The following SLC24A2 variants were observed in gnomAD, a reference collection of about 807,000 sequenced individuals.
SLC24A2 encodes solute carrier family 24 member 2.
In SLC24A2, 36 loss-of-function variants were observed where a neutral mutation model predicts 62.0. That is an observed-to-expected ratio of 0.58 (90% confidence interval 0.44 to 0.77). SLC24A2 has a LOEUF of 0.77. Among genes scored for constraint, SLC24A2 ranks in the 30% least tolerant of loss-of-function variants. SLC24A2 has a pLI of 0.00. For missense variants in SLC24A2, 846 were observed against 817.9 expected (o/e 1.03, Z -0.42); for synonymous variants, 358 against 294.0 (o/e 1.22, Z -2.23).
chr9:19,525,172 G>T (rs1215246220), intron 9 of SLC24A2, among the ~76,000 whole-genome samples: 1 of 151,994 alleles, frequency 6.6e-6, no homozygotes, highest in Non-Finnish European at 1.5e-5. Context: ...AAATATCCAG[G>T]AAGAGTAATC....
intron 2 of SLC24A2, among the ~76,000 whole-genome samples, chr9:19,645,375 T>C (rs995868385): frequency 6.6e-6 from 1 of 152,210 alleles, no homozygotes; most frequent in African/African-American, 2.4e-5. Context: ...GTATGCTGCA[T>C]AGTTACAACT....
chr9:19,713,650 T>C (rs1820778966), intron 2 of SLC24A2, among the ~76,000 whole-genome samples: 1 of 152,162 alleles, frequency 6.6e-6, no homozygotes. Flanking sequence ...TCCTTCATAG[T>C]TATAAATTGA....
chr9:19,892,198 A>C, the SLC24A2 span, among the ~76,000 whole-genome samples: 1 of 152,058 alleles, frequency 6.6e-6, no homozygotes, highest in Non-Finnish European at 1.5e-5. Flanking sequence ...CCTCTTTCTC[A>C]TAGTTCACAT....
chr9:20,204,820 T>C, the SLC24A2 span, among the ~76,000 whole-genome samples: 1 of 150,812 alleles, frequency 6.6e-6, no homozygotes, highest in East Asian at 2.0e-4. Context: ...CTTGGCTCAC[T>C]GCAAGCTCCG....
chr9:19,830,004 G>A, the SLC24A2 span, among the ~76,000 whole-genome samples: 1 of 151,738 alleles, frequency 6.6e-6, no homozygotes, highest in Non-Finnish European at 1.5e-5. Context: ...AATACAACCT[G>A]AAACAATATC....
chr9:20,009,434 C>T, the SLC24A2 span, among the ~76,000 whole-genome samples: 1 of 150,834 alleles, frequency 6.6e-6, no homozygotes, highest in African/African-American at 2.4e-5. Context: ...TCACAGCAAC[C>T]ATCACACAAA....
the SLC24A2 span, among the ~76,000 whole-genome samples, chr9:20,222,638 A>G: frequency 6.6e-6 from 1 of 152,114 alleles, no homozygotes. Flanking sequence ...TGTAAAAACC[A>G]AACGAGGTTT....
chr9:19,556,093 G>A (rs185959173), intron 7 of SLC24A2, among the ~76,000 whole-genome samples: 2 of 152,312 alleles, frequency 1.3e-5, no homozygotes, highest in Admixed American at 1.3e-4. Context: ...CAGAAGACGA[G>A]TTTCACGGGT....
intron 2 of SLC24A2, among the ~76,000 whole-genome samples, chr9:19,666,693 T>C (rs1587123133): frequency 6.6e-6 from 1 of 152,310 alleles, no homozygotes; most frequent in East Asian, 1.9e-4. Flanking sequence ...TAGCACTTTC[T>C]CTTGACTAGC....
the SLC24A2 span, among the ~76,000 whole-genome samples, chr9:20,273,631 C>T: frequency 5.3e-4 from 80 of 152,282 alleles, 1 homozygote; most frequent in Middle Eastern, 6.8e-3. Flanking sequence ...CTCCTCCTTG[C>T]CTTCCACCAT....
chr9:20,072,955 G>T, the SLC24A2 span, among the ~76,000 whole-genome samples: 1 of 152,108 alleles, frequency 6.6e-6, no homozygotes, highest in African/African-American at 2.4e-5. Context: ...GTGCTGATTT[G>T]TTATAGAGGT....
chr9:19,834,026 G>T, the SLC24A2 span, among the ~76,000 whole-genome samples: 1 of 152,138 alleles, frequency 6.6e-6, no homozygotes, highest in Non-Finnish European at 1.5e-5. Context: ...CTGACTATTA[G>T]AAGGAAAACT....
intron 2 of SLC24A2, among the ~76,000 whole-genome samples, chr9:19,676,687 T>C (rs1819571348): frequency 6.6e-6 from 1 of 152,226 alleles, no homozygotes; most frequent in African/African-American, 2.4e-5. Flanking sequence ...AGATGTTTAC[T>C]ATCTGGCAAT....
chr9:20,223,066 A>G, the SLC24A2 span, among the ~76,000 whole-genome samples: 2 of 152,104 alleles, frequency 1.3e-5, no homozygotes, highest in Non-Finnish European at 2.9e-5. Flanking sequence ...GGTTTATACA[A>G]AAATCAGTAG....
chr9:20,279,774 A>T, the SLC24A2 span, among the ~76,000 whole-genome samples: 1 of 152,132 alleles, frequency 6.6e-6, no homozygotes, highest in Non-Finnish European at 1.5e-5. Flanking sequence ...GGGTTACTGA[A>T]CTGATCATTT....
intron 2 of SLC24A2, among the ~76,000 whole-genome samples, chr9:19,762,745 T>C (rs1822376051): frequency 6.6e-6 from 1 of 151,418 alleles, no homozygotes; most frequent in Admixed American, 6.6e-5. Context: ...GGTAGCTTGA[T>C]GCCTCCAGCT....
the SLC24A2 span, among the ~76,000 whole-genome samples, chr9:20,223,996 G>C: frequency 6.6e-6 from 1 of 151,846 alleles, no homozygotes; most frequent in African/African-American, 2.4e-5. Context: ...AGAGAGTGAG[G>C]AATGAACTGA....
chr9:19,975,825 G>A, the SLC24A2 span, among the ~76,000 whole-genome samples: 1 of 151,912 alleles, frequency 6.6e-6, no homozygotes, highest in African/African-American at 2.4e-5. Flanking sequence ...CTGTGGGCCT[G>A]CATCCTCAGA....
the SLC24A2 span, among the ~76,000 whole-genome samples, chr9:19,857,307 G>T: frequency 1.3e-5 from 2 of 152,104 alleles, no homozygotes; most frequent in Non-Finnish European, 2.9e-5. Flanking sequence ...GGACCCTGTG[G>T]TTACAGTGGG....
Sources: gnomAD v4.1 joint callset for allele counts (sites outside exome capture counted in the v4.1 genomes callset) on GRCh38, gnomAD v4.1.1 for gene constraint, MANE v1.5 for transcripts, NCBI Gene and HGNC (gene_info 2026-07-23, HGNC 2026-07-21) for gene names.